MYLK3: variants seen among roughly 807,000 people sequenced by gnomAD.
MYLK3 encodes myosin light chain kinase 3.
In MYLK3, 55 loss-of-function variants were observed where a neutral mutation model predicts 76.3. The observed-to-expected ratio is 0.72, with a 90% confidence interval of 0.58 to 0.90. MYLK3 has a LOEUF of 0.90. Among genes scored for constraint, MYLK3 ranks in the 40% least tolerant of loss-of-function variants. The probability of loss-of-function intolerance (pLI) is 0.00; values close to 1 mark genes in which losing one functional copy is unlikely to be tolerated. For synonymous variants in MYLK3, 416 were observed against 425.4 expected (o/e 0.98, Z 0.27); for missense variants, 973 against 1,053.6 (o/e 0.92, Z 1.06).
chr16:46,708,956 G>C (rs554196105), intron 12 of MYLK3, among the ~76,000 whole-genome samples: 1 of 152,188 alleles, frequency 6.6e-6, no homozygotes, highest in Non-Finnish European at 1.5e-5. Context: ...GAGAACATAT[G>C]CTTAAGCTTC....
Position 46,706,954 on chromosome 16 carries a change from G to A in MYLK3, c.*750C>T, listed in dbSNP as rs904685201. The A allele has an allele frequency of 9.9e-5, 15 of 152,184 alleles. No individual in the cohort carries two copies. Among genetic ancestry groups the A allele is most frequent in the African/African-American group, 3.6e-4 (15 of 41,438 alleles). The allele number at this position is 152,184 out of a possible 1,614,324, so 9.4% of individuals were successfully genotyped here. A position where few individuals can be genotyped will look rare whatever the true frequency, so the allele number is the denominator to read the frequency against. On this transcript the variant is annotated 3_prime_UTR_variant, in exon 13 of 13. Coordinates refer to ENST00000394809, the MANE Select transcript of MYLK3 (RefSeq NM_182493.3). ...TTATGTCTCAGGATGTATCATTTCT[G>A]TGTTTCTCAGAAAGCGGAACCTCAT...
At chr16:46,763,034 A>C (rs538912412) in intron 1 of MYLK3, 1 of 985,478 alleles carries the variant, frequency 1.0e-6, no homozygotes, top group Non-Finnish European at 1.2e-6. Context: ...CACTGCACTT[A>C]CATACCACTT....
rs1436420023 is a variant in MYLK3, at chr16:46,706,221, TA to T, written c.*1482del. 6.6e-6 allele frequency: 1 copy of T among 151,964 alleles called. No individual in the cohort carries two copies. The highest frequency in any genetic ancestry group is 1.5e-5 in the Non-Finnish European group (1 of 68,014). The allele number at this position is 151,964 out of a possible 1,614,324, so 9.4% of individuals were successfully genotyped here. ...CCTATCAATAATATAAACAGTCAGT[TA>T]ATACCCATACACACATATGTGTTCG... On this transcript the variant is annotated 3_prime_UTR_variant, in exon 13 of 13. Coordinates refer to ENST00000394809, the MANE Select transcript of MYLK3 (RefSeq NM_182493.3).
At chr16:46,736,250 C>T (rs963972988) in intron 3 of MYLK3, among the ~76,000 whole-genome samples, 3 of 152,022 alleles carry the variant, frequency 2.0e-5, no homozygotes, top group East Asian at 1.9e-4. Context: ...TAGGCTCAAG[C>T]GATCCTCCCG....
chr16:46,732,352 C>T lies in MYLK3; in HGVS notation c.1318G>A (p.Val440Ile). ...LARSDDNDHE[V>I]GALGLQQGKS... is the part of the protein sequence containing the mutation. ...CCCTGCTGCAGGCCCAGGGCCCCAA[C>T]CTCGTGGTCATTGTCGTCACTCCTG... The change falls in exon 4 of 13, where the codon GTT becomes ATT. Residue 440 changes from valine to isoleucine, a missense_variant. Around this residue, in one of 2 missense-constraint regions of MYLK3, gnomAD observed 641 missense variants for 637.0 expected, o/e 1.01. Coordinates refer to ENST00000394809, the MANE Select transcript of MYLK3 (RefSeq NM_182493.3). The T allele has an allele frequency of 6.2e-7, 1 of 1,613,486 alleles. No homozygotes were observed. The highest frequency in any genetic ancestry group is 2.2e-5 in the East Asian group (1 of 44,880).
intron 1 of MYLK3, among the ~76,000 whole-genome samples, chr16:46,761,937 T>C (rs1479151282): frequency 7.0e-6 from 1 of 143,620 alleles, no homozygotes; most frequent in East Asian, 2.0e-4. Flanking sequence ...GGAAGGAGGA[T>C]AGAGGGGAGT....
intron 5 of MYLK3, among the ~76,000 whole-genome samples, chr16:46,730,354 T>A (rs1265138375): frequency 6.6e-6 from 1 of 152,070 alleles, no homozygotes; most frequent in East Asian, 1.9e-4. Context: ...GTGCCCGCCC[T>A]CCTGAGCCTC....
At chr16:46,761,277 G>C (rs1420379693) in intron 1 of MYLK3, among the ~76,000 whole-genome samples, 1 of 152,210 alleles carries the variant, frequency 6.6e-6, no homozygotes, top group Non-Finnish European at 1.5e-5. Context: ...GGACCCTTAA[G>C]ACAGTGGACC....
At chr16:46,716,137 G>A (rs901653000) in intron 9 of MYLK3, among the ~76,000 whole-genome samples, 1 of 152,114 alleles carries the variant, frequency 6.6e-6, no homozygotes, top group African/African-American at 2.4e-5. Context: ...CCCGTCACCA[G>A]AGCCCAGCTG....
intron 1 of MYLK3, among the ~76,000 whole-genome samples, chr16:46,744,848 TAAAC>T (rs1966996422): frequency 6.6e-6 from 1 of 152,104 alleles, no homozygotes; most frequent in African/African-American, 2.4e-5. Context: ...TAAAAATAAA[TAAAC>T]AAAGTTATTC....
intron 11 of MYLK3, 117 bp from the exon 12 acceptor site, chr16:46,709,788 T>A: frequency 8.3e-7 from 1 of 1,207,100 alleles, no homozygotes; most frequent in Non-Finnish European, 1.2e-6. Context: ...TTTAGGCAGA[T>A]TCATGCCATG....
intron 12 of MYLK3, 95 bp downstream of exon 12, chr16:46,709,443 GA>G (rs11420228): frequency 0.019 from 21,772 of 1,133,630 alleles, no homozygotes; most frequent in East Asian, 0.059. Context: ...CCAAAAAGAA[GA>G]AAAAAAAAAA....
At chr16:46,762,051 T>C (rs1967282357) in intron 1 of MYLK3, among the ~76,000 whole-genome samples, 1 of 152,116 alleles carries the variant, frequency 6.6e-6, no homozygotes. Context: ...GAGCAACATC[T>C]CAAGGAACGA....
rs762203509 is a variant in MYLK3 at position 46,737,738 on chromosome 16, G to A, written c.974C>T (p.Thr325Ile). ...PPGLPAQARATHSGGETPPRI... is the reference protein window; with the variant it reads ...PPGLPAQARAIHSGGETPPRI... Reference sequence around the variant, plus strand: ...TGGAGGTGTTTCTCCACCACTGTGGGTTGCCCTGGCCTGGGCTGGCAGCCC... The same window carrying A: ...TGGAGGTGTTTCTCCACCACTGTGGATTGCCCTGGCCTGGGCTGGCAGCCC... Residue 325 changes from threonine to isoleucine, a missense_variant, in exon 3 of 13, where the codon ACC (threonine) becomes ATC (isoleucine). Transcript: ENST00000394809. 4 of 1,607,016 alleles carry A rather than the reference G, an allele frequency of 2.5e-6. No homozygotes were observed. The Admixed American group carries it at 5.0e-5, about 20-fold the overall frequency.
Position 46,732,614 on chromosome 16 carries a change from G to A in MYLK3, c.1056C>T (p.Gly352=). Residue 352 remains glycine (G), a synonymous_variant, in exon 4 of 13, where the codon GGC becomes GGT. Coordinates refer to ENST00000394809, the MANE Select transcript of MYLK3 (RefSeq NM_182493.3). ...TGAGGGTGGGTCCAAGGCTGCCCCT[G>A]CCTGTCATCAGCATCTCCCCAGGAG... is the stretch of plus-strand genomic sequence containing the variant. ...MDTPGEMLMT[G]RGSLGPTLTT... is the part of the protein sequence containing the mutation. 3 of 1,574,240 alleles carry A rather than the reference G, an allele frequency of 1.9e-6. No homozygotes were observed. Among genetic ancestry groups the A allele is most frequent in the Non-Finnish European group, 2.6e-6 (3 of 1,166,808 alleles).
rs1372590569 is a variant in MYLK3, at chr16:46,737,763, C to T, written c.949G>A (p.Gly317Arg). Residue 317 changes from glycine to arginine, a missense_variant, in exon 3 of 13, where the codon GGG becomes AGG. Coordinates refer to ENST00000394809, the MANE Select transcript of MYLK3 (RefSeq NM_182493.3). ...GPGPQCPGPP[G>R]LPAQARATHS... ...GTTGCCCTGGCCTGGGCTGGCAGCC[C>T]TGGAGGCCCTGGGCACTGAGGGCCA... 1 of 1,610,832 alleles carries T rather than the reference C, an allele frequency of 6.2e-7. No individual in the cohort carries two copies. Among genetic ancestry groups the T allele is most frequent in the Non-Finnish European group, 8.5e-7 (1 of 1,179,422 alleles).
intron 3 of MYLK3, among the ~76,000 whole-genome samples, chr16:46,736,780 C>T (rs547968407): frequency 2.0e-5 from 3 of 152,320 alleles, no homozygotes; most frequent in East Asian, 1.9e-4. Flanking sequence ...CCTAGGCAGG[C>T]GCAGAAGATG....
chr16:46,712,790 GA>G lies in MYLK3; in HGVS notation c.1986-15del. On this transcript the variant is annotated splice_polypyrimidine_tract_variant and intron_variant, in intron 9 of 12. Coordinates refer to ENST00000394809, the MANE Select transcript of MYLK3 (RefSeq NM_182493.3). ...CGAGGCTTGTACCTGGGGAGAAGGG[GA>G]GGGTACAAAGAAGCATGGGGTGAGG... The G allele has an allele frequency of 6.3e-7, 1 of 1,578,732 alleles. No homozygotes were observed. The highest frequency in any genetic ancestry group is 1.2e-5 in the South Asian group (1 of 85,222).
chr16:46,719,668 G>A (rs1030174993), intron 9 of MYLK3, among the ~76,000 whole-genome samples: 10 of 152,204 alleles, frequency 6.6e-5, no homozygotes, highest in Admixed American at 6.5e-4. Flanking sequence ...AGTTCTGTGG[G>A]TTCCGCAGGC....
Sources: gnomAD v4.1 joint callset for allele counts (sites outside exome capture counted in the v4.1 genomes callset) on GRCh38, gnomAD v4.1.1 for gene constraint, gnomAD v4.1.1 regional missense constraint, MANE v1.5 for transcripts, NCBI Gene and HGNC (gene_info 2026-07-23, HGNC 2026-07-21) for gene names.